The following BIN2 variants were observed in gnomAD, a reference collection of about 807,000 sequenced individuals.
BIN2 encodes the protein bridging integrator 2.
A neutral mutation model predicts 67.9 loss-of-function variants in BIN2; 43 were observed. The observed-to-expected ratio is 0.63, with a 90% confidence interval of 0.50 to 0.82. BIN2 has a LOEUF of 0.82. Ranked by LOEUF, BIN2 falls within the 40% of genes least tolerant of loss-of-function variation. BIN2 has a pLI of 0.00. For synonymous variants in BIN2, 244 were observed against 246.8 expected, an observed-to-expected ratio of 0.99 and a Z score of 0.11; for missense variants, 581 against 671.6, an observed-to-expected ratio of 0.87 and a Z score of 1.49.
rs1302424067 is a variant in BIN2, at chr12:51,292,083, A to G, written c.1023T>C (p.Asn341=). Residue 341 remains asparagine (N), a synonymous_variant, in exon 10 of 13, where the codon AAT becomes AAC. Transcript: ENST00000615107. Reference sequence around the variant, plus strand: ...GAGAGGGCTGGGCCTGGGCGGGGCCATTGCAGGCTGGTAGAGGCTCATCTT... The same window carrying G: ...GAGAGGGCTGGGCCTGGGCGGGGCCGTTGCAGGCTGGTAGAGGCTCATCTT... ...SEEDEPLPAC[N]GPAQAQPSPT... 1.9e-6 allele frequency: 3 copies of G among 1,614,146 alleles called. No homozygotes were observed. The highest frequency in any genetic ancestry group is 1.7e-5 in the Admixed American group (1 of 60,010).
intron 2 of BIN2, among the ~76,000 whole-genome samples, chr12:51,309,691 T>C (rs940842796): frequency 9.2e-5 from 14 of 152,154 alleles, no homozygotes; most frequent in Non-Finnish European, 1.8e-4. Flanking sequence ...CTTTTCCTTA[T>C]TCCCAACCTA....
chr12:51,321,729 G>A (rs1946288793), intron 1 of BIN2, among the ~76,000 whole-genome samples: 2 of 152,168 alleles, frequency 1.3e-5, no homozygotes, highest in Admixed American at 1.3e-4. Flanking sequence ...CCTGTCTCTG[G>A]TCCATAATAG....
At chr12:51,299,340 AC>A (rs750002174) in intron 6 of BIN2, 52 bp from the exon 7 acceptor site, 1 of 1,513,460 alleles carries the variant, frequency 6.6e-7, no homozygotes, top group Admixed American at 1.7e-5. Flanking sequence ...ACCCAGTACT[AC>A]AGCATGCCTC....
At chr12:51,317,064 T>C (rs1946152923) in intron 1 of BIN2, among the ~76,000 whole-genome samples, 1 of 151,908 alleles carries the variant, frequency 6.6e-6, no homozygotes, top group African/African-American at 2.4e-5. Context: ...TTAGTAGAGA[T>C]AGGGTTTCTC....
At chr12:51,288,329 G>A in intron 10 of BIN2, 141 bp from the exon 11 acceptor site, 1 of 635,122 alleles carries the variant, frequency 1.6e-6, no homozygotes, top group Non-Finnish European at 2.8e-6. Flanking sequence ...GGCAGTAGTA[G>A]GGTGGTGTGA....
chr12:51,299,799 G>T (rs1319928487), intron 5 of BIN2, 85 bp from the exon 6 acceptor site: 12 of 1,140,282 alleles, frequency 1.1e-5, no homozygotes, highest in Non-Finnish European at 1.4e-5. Flanking sequence ...CAGAGAGCAA[G>T]ATTCTTGCAT....
intron 11 of BIN2, 136 bp downstream of exon 11, chr12:51,287,972 T>C: frequency 1.6e-6 from 1 of 620,004 alleles, no homozygotes; most frequent in Middle Eastern, 4.6e-4. Flanking sequence ...TACATCTTGC[T>C]CTGTTAGGGC....
intron 1 of BIN2, among the ~76,000 whole-genome samples, chr12:51,321,082 G>C (rs1275015946): frequency 2.0e-5 from 3 of 152,084 alleles, no homozygotes; most frequent in Non-Finnish European, 4.4e-5. Flanking sequence ...TCCACTCCCA[G>C]CTTTTCAGAG....
chr12:51,315,005 C>G (rs1228682104), intron 1 of BIN2, among the ~76,000 whole-genome samples: 1 of 151,904 alleles, frequency 6.6e-6, no homozygotes, highest in Non-Finnish European at 1.5e-5. Flanking sequence ...ATGCTCACAC[C>G]ACCACACCTC....
intron 9 of BIN2, 148 bp downstream of exon 9, chr12:51,295,648 T>A (rs1182503114): frequency 7.3e-4 from 164 of 223,616 alleles, no homozygotes; most frequent in African/African-American, 2.2e-3. Flanking sequence ...AAAAGCAAAA[T>A]AATTTATATA....
At chr12:51,294,120 T>G (rs1363303187) in intron 9 of BIN2, among the ~76,000 whole-genome samples, 1 of 152,076 alleles carries the variant, frequency 6.6e-6, no homozygotes, top group African/African-American at 2.4e-5. Context: ...AAATAAATCA[T>G]GAAGTAGGCA....
At chr12:51,290,976 C>T (rs1044052072) in intron 10 of BIN2, among the ~76,000 whole-genome samples, 3 of 150,280 alleles carry the variant, frequency 2.0e-5, no homozygotes, top group African/African-American at 7.3e-5. Context: ...TGGAGAAACC[C>T]CGTCTCTACT....
chr12:51,283,462 A>C (rs893351595), intron 12 of BIN2, among the ~76,000 whole-genome samples: 1 of 151,900 alleles, frequency 6.6e-6, no homozygotes, highest in Non-Finnish European at 1.5e-5. Flanking sequence ...CCGTAGGCCA[A>C]TGTGTATGTT....
In BIN2 at chr12:51,296,453, C is replaced by T. The variant is rs565963637; in HGVS notation, c.679-575G>A. 1.1e-4 allele frequency among the ~76,000 whole-genome samples: 17 copies of T among 151,214 alleles called. No homozygotes were observed. In the South Asian group the frequency reaches 1.9e-3, roughly 17 times the overall value. On this transcript the variant is annotated intron_variant, in intron 8 of 12. Coordinates refer to ENST00000615107, the MANE Select transcript of BIN2 (RefSeq NM_016293.4). Reference sequence around the variant, plus strand: ...CAGAGCTTGCAGTGAGCAGAGATTGCGCCACTGCACTCCAGCCTAGGTGCC... The same window carrying T: ...CAGAGCTTGCAGTGAGCAGAGATTGTGCCACTGCACTCCAGCCTAGGTGCC...
At chr12:51,308,904 A>G (rs1219140082) in intron 2 of BIN2, among the ~76,000 whole-genome samples, 1 of 152,086 alleles carries the variant, frequency 6.6e-6, no homozygotes, top group Non-Finnish European at 1.5e-5. Context: ...AGATCACTTG[A>G]GGTCAGGAGT....
At position 51,288,155 on chromosome 12, in the gene BIN2, C is replaced by T. The variant is rs139691872; in HGVS notation, c.1549G>A (p.Glu517Lys). The T allele has an allele frequency of 2.0e-4, 325 of 1,613,866 alleles. No homozygotes were observed. The highest frequency in any genetic ancestry group is 2.5e-4 in the Non-Finnish European group (293 of 1,179,842). The change falls in exon 11 of 13, where the codon GAA becomes AAA. Residue 517 changes from glutamate to lysine, a missense_variant. Coordinates refer to ENST00000615107, the MANE Select transcript of BIN2 (RefSeq NM_016293.4). ...AGCTTATTATCCTTTTCCTTGTCTT[C>T]CATCTTCTTTGCCTCTCCAGGCTCT... Reference protein sequence around the residue: ...ASEPGEAKKMEDKEKDNKLIS... With the variant: ...ASEPGEAKKMKDKEKDNKLIS...
At chr12:51,311,152 AG>A (rs1476231766) in intron 2 of BIN2, among the ~76,000 whole-genome samples, 1 of 148,368 alleles carries the variant, frequency 6.7e-6, no homozygotes, top group Non-Finnish European at 1.5e-5. Context: ...GCTGGAGTGC[AG>A]TGGCACAATC....
chr12:51,284,820 G>T lies in BIN2; in HGVS notation c.1597-33C>A, dbSNP rs368044843. On this transcript the variant is annotated intron_variant, in intron 11 of 12. Coordinates refer to ENST00000615107, the MANE Select transcript of BIN2 (RefSeq NM_016293.4). ...GAGAAGAGTTCTGCCAGTAAGAGGTGGCTCAACCTTTCCAGCCTCTCAGCA... is the reference window on the plus strand; with the variant it reads ...GAGAAGAGTTCTGCCAGTAAGAGGTTGCTCAACCTTTCCAGCCTCTCAGCA... The T allele has an allele frequency of 5.7e-5, 86 of 1,516,250 alleles. No individual in the cohort carries two copies. In the African/African-American group the frequency reaches 1.1e-3, roughly 20 times the overall value. 93.9% of individuals were successfully genotyped at this position (1,516,250 alleles called of 1,614,324 possible).
chr12:51,303,783 G>A (rs186765177), intron 2 of BIN2, among the ~76,000 whole-genome samples: 181 of 152,312 alleles, frequency 1.2e-3, no homozygotes, highest in African/African-American at 4.2e-3. Context: ...AAAAAGGAGA[G>A]GAAGGTATTA....
Sources: gnomAD v4.1 joint callset for allele counts (sites outside exome capture counted in the v4.1 genomes callset) on GRCh38, gnomAD v4.1.1 for gene constraint, MANE v1.5 for transcripts, NCBI Gene and HGNC (gene_info 2026-07-23, HGNC 2026-07-21) for gene names.